The following NOSTRIN variants were observed in gnomAD, a reference collection of about 807,000 sequenced individuals.
The protein encoded by NOSTRIN is nitric oxide synthase trafficking, also known as BM247 homolog.
Under a neutral mutation model 59.0 loss-of-function variants are expected in NOSTRIN, and 63 were observed. The ratio of observed to expected loss-of-function variants is 1.07; its 90% CI spans 0.87 to 1.32. The LOEUF is 1.32. Among genes scored for constraint, NOSTRIN ranks in the 40% most tolerant of loss-of-function variants. The pLI is 0.00. For missense variants in NOSTRIN, 512 were observed against 473.1 expected, an observed-to-expected ratio of 1.08 and a Z score of -0.76; for synonymous variants, 200 against 165.4, an observed-to-expected ratio of 1.21 and a Z score of -1.61.
intron 7 of NOSTRIN, among the ~76,000 whole-genome samples, chr2:168,835,241 A>ATT (rs150427137): frequency 1.3e-5 from 2 of 150,794 alleles, no homozygotes; most frequent in African/African-American, 4.9e-5. Flanking sequence ...TGCTCGGCTA[A>ATT]TTTTTTTTTG....
At position 168,828,145 on chromosome 2, in the gene NOSTRIN, T is replaced by G. The variant is rs759641941; in HGVS notation, c.198-13T>G. 1.1e-6 allele frequency: 1 copy of G among 872,928 alleles called. No individual in the cohort carries two copies. Among genetic ancestry groups the G allele is most frequent in the Non-Finnish European group, 2.0e-6 (1 of 501,656 alleles). The allele number at this position is 872,928 out of a possible 1,614,324, so 54.1% of individuals were successfully genotyped here. ...GACACTCACCTTTGTTCCCCACTTT[T>G]TTTTGCCTTTAGTTGTGTTAGCAGT... On this transcript the variant is annotated splice_polypyrimidine_tract_variant and intron_variant, in intron 3 of 15. Transcript: ENST00000317647.
At chr2:168,787,122 A>G (rs774920589) in intron 1 of NOSTRIN, among the ~76,000 whole-genome samples, 2 of 152,126 alleles carry the variant, frequency 1.3e-5, no homozygotes, top group Non-Finnish European at 2.9e-5. Context: ...ATCAGGTAAG[A>G]AAAGGTTTCA....
chr2:168,816,458 A>G (rs1686408851), intron 2 of NOSTRIN, among the ~76,000 whole-genome samples: 1 of 151,842 alleles, frequency 6.6e-6, no homozygotes, highest in Non-Finnish European at 1.5e-5. Context: ...GCCACTTGCA[A>G]TCCCACCCCA....
At chr2:168,820,761 C>A (rs1414211903) in intron 2 of NOSTRIN, among the ~76,000 whole-genome samples, 1 of 149,310 alleles carries the variant, frequency 6.7e-6, no homozygotes, top group Non-Finnish European at 1.5e-5. Flanking sequence ...TGAACAAGGA[C>A]CCCTTTTTCA....
intron 6 of NOSTRIN, 150 bp from the exon 7 acceptor site, chr2:168,834,077 G>A: frequency 1.8e-6 from 1 of 565,124 alleles, no homozygotes; most frequent in Non-Finnish European, 3.2e-6. Flanking sequence ...AGAACTAAAA[G>A]TACACATTTT....
intron 5 of NOSTRIN, among the ~76,000 whole-genome samples, chr2:168,829,941 G>T (rs1162324057): frequency 1.3e-5 from 2 of 152,150 alleles, no homozygotes; most frequent in Admixed American, 1.3e-4. Context: ...GAGGAGAAAT[G>T]ATTTTTAAAA....
At chr2:168,829,582 A>G (rs927445879) in intron 5 of NOSTRIN, among the ~76,000 whole-genome samples, 18 of 152,140 alleles carry the variant, frequency 1.2e-4, no homozygotes, top group Non-Finnish European at 1.5e-5. Context: ...TGGCCTCCCA[A>G]AGTGCTGGGA....
intron 2 of NOSTRIN, among the ~76,000 whole-genome samples, chr2:168,820,949 G>A (rs547755932): frequency 2.6e-5 from 4 of 152,212 alleles, no homozygotes; most frequent in Non-Finnish European, 5.9e-5. Flanking sequence ...GTGACTGACA[G>A]TGTTACCTTT....
intron 12 of NOSTRIN, 151 bp from the exon 13 acceptor site, chr2:168,859,357 ATTTT>A: frequency 9.0e-7 from 1 of 1,117,008 alleles, no homozygotes; most frequent in Non-Finnish European, 1.2e-6. Flanking sequence ...TTATTCCTCC[ATTTT>A]TTTTTCCTTC....
intron 2 of NOSTRIN, among the ~76,000 whole-genome samples, chr2:168,822,290 G>T (rs944539404): frequency 2.0e-5 from 3 of 152,094 alleles, no homozygotes; most frequent in African/African-American, 4.8e-5. Context: ...CATACATCCT[G>T]CAATGACTTT....
chr2:168,847,034 G>T (rs1031670591), intron 8 of NOSTRIN, among the ~76,000 whole-genome samples: 4 of 152,156 alleles, frequency 2.6e-5, no homozygotes, highest in Non-Finnish European at 5.9e-5. Flanking sequence ...GTTAAAGGCA[G>T]CAAACATCCC....
At chr2:168,856,884 A>T in intron 12 of NOSTRIN, 106 bp downstream of exon 12, 1 of 1,007,846 alleles carries the variant, frequency 9.9e-7, no homozygotes, top group Non-Finnish European at 1.5e-6. Flanking sequence ...CTTTCTCATG[A>T]CATAGAACAA....
chr2:168,791,247 G>GT (rs1363742527), intron 2 of NOSTRIN, among the ~76,000 whole-genome samples: 4 of 152,084 alleles, frequency 2.6e-5, no homozygotes, highest in African/African-American at 9.7e-5. Flanking sequence ...GCGGTGTTTG[G>GT]TTTTTTGTCC....
chr2:168,792,165 T>C (rs1685373714), intron 2 of NOSTRIN, among the ~76,000 whole-genome samples: 1 of 152,086 alleles, frequency 6.6e-6, no homozygotes, highest in African/African-American at 2.4e-5. Context: ...TTTGTAAATA[T>C]ATTTGTTTTC....
intron 2 of NOSTRIN, among the ~76,000 whole-genome samples, chr2:168,792,271 TAA>T (rs1685377644): frequency 6.6e-6 from 1 of 152,154 alleles, no homozygotes; most frequent in Non-Finnish European, 1.5e-5. Context: ...TCAAGAGTCA[TAA>T]AGTGTTACAA....
At chr2:168,824,951 G>A (rs981842145) in intron 3 of NOSTRIN, among the ~76,000 whole-genome samples, 34 of 151,926 alleles carry the variant, frequency 2.2e-4, no homozygotes, top group African/African-American at 8.0e-4. Context: ...TTGGGACAGG[G>A]TCTTACTATG....
intron 7 of NOSTRIN, among the ~76,000 whole-genome samples, chr2:168,838,876 C>T (rs1027929648): frequency 4.0e-5 from 6 of 151,176 alleles, no homozygotes; most frequent in Non-Finnish European, 5.9e-5. Flanking sequence ...CAACCTCTGC[C>T]TCCCAAGTTC....
intron 2 of NOSTRIN, among the ~76,000 whole-genome samples, chr2:168,820,519 T>C (rs1686672461): frequency 6.6e-6 from 1 of 152,090 alleles, no homozygotes; most frequent in South Asian, 2.1e-4. Flanking sequence ...TTAGGTGCAA[T>C]ATACAGGAAC....
chr2:168,864,945 C>T lies in NOSTRIN; in HGVS notation c.1496C>T (p.Ala499Val). 1 of 1,614,090 alleles carries T rather than the reference C, an allele frequency of 6.2e-7. No homozygotes were observed. The highest frequency in any genetic ancestry group is 1.3e-5 in the African/African-American group (1 of 75,030). ...TATGTGGAGGAGTTACCTTCAAATG[C>T]TGGCAACACAGCTACAAAGGCATAA... ...AAYVEELPSN[A>V]GNTATKA The change falls in exon 16 of 16, where the codon GCT becomes GTT. Residue 499 changes from alanine to valine, a missense_variant. By Grantham distance (64) the Ala-to-Val change is moderately conservative. Transcript: ENST00000317647.
Sources: gnomAD v4.1 joint callset for allele counts (sites outside exome capture counted in the v4.1 genomes callset) on GRCh38, gnomAD v4.1.1 for gene constraint, MANE v1.5 for transcripts, NCBI Gene and HGNC (gene_info 2026-07-23, HGNC 2026-07-21) for gene names.